TC2N: variants seen among roughly 807,000 people sequenced by gnomAD.
TC2N encodes tandem C2 domains nuclear protein.
A neutral mutation model predicts 61.9 loss-of-function variants in TC2N; 51 were observed. The ratio of observed to expected loss-of-function variants is 0.82; its 90% CI spans 0.66 to 1.04. The LOEUF is 1.04. TC2N is among the 50% of genes least tolerant of loss of function. The probability of loss-of-function intolerance (pLI) is 0.00; values close to 1 mark genes in which losing one functional copy is unlikely to be tolerated. For missense variants in TC2N, 556 were observed against 566.7 expected (o/e 0.98, Z 0.19); for synonymous variants, 204 against 192.6 (o/e 1.06, Z -0.49).
At chr14:91,792,313 C>T in intron 9 of TC2N, 54 bp downstream of exon 9, 3 of 1,217,518 alleles carry the variant, frequency 2.5e-6, no homozygotes, top group Non-Finnish European at 3.4e-6. Context: ...AAAAGCCCAT[C>T]CACCAACTAA....
chr14:91,857,160 C>T (rs539601255), intron 1 of TC2N, among the ~76,000 whole-genome samples: 1 of 152,320 alleles, frequency 6.6e-6, no homozygotes, highest in East Asian at 1.9e-4. Context: ...ATTTCTAGAT[C>T]CTTTCAGTTG....
At chr14:91,824,549 C>T (rs1239195378) in intron 1 of TC2N, among the ~76,000 whole-genome samples, 1 of 152,222 alleles carries the variant, frequency 6.6e-6, no homozygotes, top group East Asian at 1.9e-4. Flanking sequence ...CTCCCAAAAT[C>T]CACACATCCA....
At chr14:91,784,156 C>G (rs1885251327) in intron 11 of TC2N, among the ~76,000 whole-genome samples, 2 of 152,036 alleles carry the variant, frequency 1.3e-5, no homozygotes, top group Admixed American at 6.6e-5. Flanking sequence ...AGAATCTTAG[C>G]CAAGAGAATG....
At position 91,812,405 on chromosome 14, in the gene TC2N, C is replaced by T. The variant is rs141703111; in HGVS notation, c.208G>A (p.Gly70Ser). The change falls in exon 3 of 12, where the codon GGC becomes AGC. Residue 70 changes from glycine (G) to serine (S), a missense_variant. Coordinates refer to ENST00000435962, the MANE Select transcript of TC2N (RefSeq NM_001128596.3). ...DYLLSKLPSDGKEVPFVVPKF... is the reference protein window; with the variant it reads ...DYLLSKLPSDSKEVPFVVPKF... ...GGCACCACAAATGGTACTTCTTTGC[C>T]ATCAGATGGTAATTTGGAAAGCAAA... The T allele has an allele frequency of 3.1e-6, 5 of 1,612,490 alleles. No homozygotes were observed. The African/African-American group carries it at 6.7e-5, about 22-fold the overall frequency.
intron 1 of TC2N, among the ~76,000 whole-genome samples, chr14:91,814,074 C>T (rs1276742043): frequency 6.6e-6 from 1 of 150,768 alleles, no homozygotes; most frequent in East Asian, 1.9e-4. Context: ...AAGAAAAATT[C>T]CATTCTTAAT....
intron 1 of TC2N, among the ~76,000 whole-genome samples, chr14:91,835,274 C>T (rs1440792112): frequency 6.6e-6 from 1 of 152,178 alleles, no homozygotes; most frequent in African/African-American, 2.4e-5. Flanking sequence ...TCCCAGCTCT[C>T]AAAGGCAAGC....
At chr14:91,829,506 A>G (rs545378522) in intron 1 of TC2N, among the ~76,000 whole-genome samples, 1 of 152,216 alleles carries the variant, frequency 6.6e-6, no homozygotes, top group Non-Finnish European at 1.5e-5. Flanking sequence ...TGCATTTTTC[A>G]TTAGTAGAAA....
At chr14:91,808,501 T>A (rs1397795684) in intron 3 of TC2N, among the ~76,000 whole-genome samples, 1 of 152,208 alleles carries the variant, frequency 6.6e-6, no homozygotes, top group Non-Finnish European at 1.5e-5. Context: ...ACTCAAAATC[T>A]TCTCTTTTCT....
At chr14:91,857,768 C>T (rs994630827) in intron 1 of TC2N, among the ~76,000 whole-genome samples, 1 of 152,146 alleles carries the variant, frequency 6.6e-6, no homozygotes, top group Non-Finnish European at 1.5e-5. Flanking sequence ...AACAAAATTC[C>T]TCTAAAGAAC....
intron 9 of TC2N, among the ~76,000 whole-genome samples, chr14:91,790,019 C>G (rs1407305373): frequency 6.6e-6 from 1 of 152,146 alleles, no homozygotes; most frequent in Non-Finnish European, 1.5e-5. Flanking sequence ...AGACTGCCTC[C>G]ATTCAAATCC....
intron 3 of TC2N, among the ~76,000 whole-genome samples, chr14:91,802,701 T>G (rs1886317126): frequency 6.6e-6 from 1 of 152,026 alleles, no homozygotes; most frequent in Non-Finnish European, 1.5e-5. Flanking sequence ...AGTTTCCTCT[T>G]ATTTTTCTAC....
chr14:91,785,106 AACTG>A, intron 11 of TC2N, 52 bp downstream of exon 11: 1 of 1,223,278 alleles, frequency 8.2e-7, no homozygotes, highest in Non-Finnish European at 1.2e-6. Context: ...TCCCTTTGTT[AACTG>A]ACTGTTTAAA....
intron 1 of TC2N, among the ~76,000 whole-genome samples, chr14:91,842,093 C>T (rs998580724): frequency 2.0e-5 from 3 of 150,852 alleles, no homozygotes; most frequent in Non-Finnish European, 2.9e-5. Flanking sequence ...TGAGTAGCTG[C>T]GAGTATAGGC....
At chr14:91,848,692 G>A (rs987908776) in intron 1 of TC2N, among the ~76,000 whole-genome samples, 8 of 152,132 alleles carry the variant, frequency 5.3e-5, no homozygotes, top group South Asian at 2.1e-4. Flanking sequence ...CCCTGGATCC[G>A]TCTACTCACA....
chr14:91,815,363 T>C (rs1886960869), intron 1 of TC2N, among the ~76,000 whole-genome samples: 1 of 151,486 alleles, frequency 6.6e-6, no homozygotes, highest in Non-Finnish European at 1.5e-5. Context: ...TGAATTATTT[T>C]AATCTTTAGA....
intron 1 of TC2N, among the ~76,000 whole-genome samples, chr14:91,825,355 C>G (rs1451064091): frequency 1.3e-5 from 2 of 151,846 alleles, no homozygotes; most frequent in Non-Finnish European, 2.9e-5. Context: ...TCACACCTTC[C>G]TTTCTATTCT....
In TC2N at chr14:91,837,099, G is replaced by A. The variant is rs932129468; in HGVS notation, c.-56-23274C>T. On this transcript the variant is annotated intron_variant, in intron 1 of 11. Transcript: ENST00000435962. The surrounding 1 kb of genome is among the most constrained non-coding windows in gnomAD (Gnocchi z 4.2). Reference sequence around the variant, plus strand: ...ACCTCACACCCCCGATTCTATGAGGGATCCCCTCTAACCCTGGTAAAGCGG... The same window carrying A: ...ACCTCACACCCCCGATTCTATGAGGAATCCCCTCTAACCCTGGTAAAGCGG... 6.6e-6 allele frequency among the ~76,000 whole-genome samples: 1 copy of A among 152,214 alleles called. No individual in the cohort carries two copies. The highest frequency in any genetic ancestry group is 1.5e-5 in the Non-Finnish European group (1 of 68,044).
intron 9 of TC2N, among the ~76,000 whole-genome samples, chr14:91,787,964 A>C (rs1885449397): frequency 6.6e-6 from 1 of 152,184 alleles, no homozygotes; most frequent in African/African-American, 2.4e-5. Context: ...ATACACTTTC[A>C]AAACAACTAA....
intron 9 of TC2N, among the ~76,000 whole-genome samples, chr14:91,791,189 AG>A (rs1158847963): frequency 1.4e-4 from 2 of 14,462 alleles, no homozygotes; most frequent in Non-Finnish European, 2.6e-4. Flanking sequence ...AGGGGAGGGG[AG>A]GGGAGGGGAG....
Sources: gnomAD v4.1 joint callset for allele counts (sites outside exome capture counted in the v4.1 genomes callset) on GRCh38, gnomAD v4.1.1 for gene constraint, Gnocchi (gnomAD v3.1) non-coding constraint, MANE v1.5 for transcripts, NCBI Gene and HGNC (gene_info 2026-07-23, HGNC 2026-07-21) for gene names.